Variants in CNTN3 observed in about 807,000 individuals in gnomAD.
The protein encoded by CNTN3 is contactin-3.
In CNTN3, 60 loss-of-function variants were observed where a neutral mutation model predicts 119.1. The observed-to-expected ratio is 0.50, with a 90% CI of 0.41 to 0.62. The LOEUF (loss-of-function observed/expected upper bound fraction) is 0.62. CNTN3 is among the 20% of genes least tolerant of loss of function. CNTN3 has a pLI of 0.00. For synonymous variants in CNTN3, 450 were observed against 438.7 expected, an observed-to-expected ratio of 1.03 and a Z score of -0.32; for missense variants, 1,101 against 1,242.4, an observed-to-expected ratio of 0.89 and a Z score of 1.71.
intron 1 of CNTN3, 22 bp from the exon 2 acceptor site, chr3:74,521,214 A>C (rs1170967190): frequency 6.4e-6 from 3 of 470,094 alleles, no homozygotes; most frequent in African/African-American, 2.2e-5. Context: ...ATGTACAAAG[A>C]AGTTCGTTAA....
At chr3:74,291,521 T>A (rs1183430229) in intron 19 of CNTN3, among the ~76,000 whole-genome samples, 1 of 152,064 alleles carries the variant, frequency 6.6e-6, no homozygotes, top group Non-Finnish European at 1.5e-5. Flanking sequence ...CCACCAACAG[T>A]GTAAAAGTGT....
chr3:74,378,854 G>T (rs143863426), intron 5 of CNTN3, among the ~76,000 whole-genome samples: 1 of 151,926 alleles, frequency 6.6e-6, no homozygotes, highest in African/African-American at 2.4e-5. Context: ...TCTTGCTTTT[G>T]TAGGGCTACC....
intron 4 of CNTN3, among the ~76,000 whole-genome samples, chr3:74,439,428 G>A (rs1327477486): frequency 6.6e-6 from 1 of 152,012 alleles, no homozygotes; most frequent in Non-Finnish European, 1.5e-5. Flanking sequence ...AGTCTCTTGA[G>A]CCTGGAAGGC....
chr3:74,289,539 T>G (rs906305438), intron 19 of CNTN3, among the ~76,000 whole-genome samples: 2 of 152,168 alleles, frequency 1.3e-5, no homozygotes, highest in Non-Finnish European at 2.9e-5. Flanking sequence ...ATATATTACT[T>G]CACTGGTTTG....
chr3:74,440,808 C>T (rs1302097760), intron 4 of CNTN3, among the ~76,000 whole-genome samples: 3 of 152,222 alleles, frequency 2.0e-5, no homozygotes, highest in African/African-American at 7.2e-5. Flanking sequence ...TGTCTTTAAA[C>T]AATACAGCAT....
At chr3:74,425,604 C>T (rs1701683674) in intron 4 of CNTN3, among the ~76,000 whole-genome samples, 1 of 151,964 alleles carries the variant, frequency 6.6e-6, no homozygotes, top group Admixed American at 6.6e-5. Context: ...ATGAAATATC[C>T]TAAATCAAAA....
intron 1 of CNTN3, among the ~76,000 whole-genome samples, chr3:74,528,360 G>C (rs1222945280): frequency 1.3e-5 from 2 of 151,774 alleles, no homozygotes; most frequent in Admixed American, 1.3e-4. Context: ...GCAATACCAG[G>C]AAGGAAACTA....
chr3:74,447,883 A>G (rs1702077496), intron 4 of CNTN3, among the ~76,000 whole-genome samples: 1 of 152,124 alleles, frequency 6.6e-6, no homozygotes, highest in South Asian at 2.1e-4. Context: ...GATAAAAACA[A>G]TCTTAATAGG....
chr3:74,413,840 T>A (rs1575701867), intron 5 of CNTN3, among the ~76,000 whole-genome samples: 1 of 152,136 alleles, frequency 6.6e-6, no homozygotes, highest in East Asian at 1.9e-4. Context: ...AAGCCGAATC[T>A]CAAAAGGAAG....
Position 74,371,270 on chromosome 3 carries a change from G to A in CNTN3, c.584C>T (p.Thr195Ile). Reference protein sequence around the residue: ...KVEPSDVGNYTCVVTSMVTNA... With the variant: ...KVEPSDVGNYICVVTSMVTNA... The stretch of plus-strand genomic sequence containing the variant: ...TGTCACCATACTTGTCACCACACAT[G>A]TGTAATTTCCCACATCAGACGGCTC... Residue 195 changes from threonine (T) to isoleucine (I), a missense_variant, in exon 6 of 23, where the codon ACA becomes ATA. Thr to Ile is a moderately conservative substitution (Grantham distance 89, BLOSUM62 -1). Coordinates refer to ENST00000263665, the MANE Select transcript of CNTN3 (RefSeq NM_020872.3). 6.2e-7 allele frequency: 1 copy of A among 1,613,506 alleles called. No homozygotes were observed. Among genetic ancestry groups the A allele is most frequent in the Non-Finnish European group, 8.5e-7 (1 of 1,179,678 alleles).
chr3:74,337,510 G>A (rs1703426512), intron 11 of CNTN3, among the ~76,000 whole-genome samples: 2 of 152,056 alleles, frequency 1.3e-5, no homozygotes, highest in Admixed American at 6.6e-5. Context: ...TGGCTGGGGA[G>A]GCCTCACAAT....
chr3:74,317,054 CTCT>C (rs1320023014), intron 13 of CNTN3, among the ~76,000 whole-genome samples: 1 of 151,330 alleles, frequency 6.6e-6, no homozygotes, highest in Admixed American at 6.6e-5. Context: ...GGATAGTTAG[CTCT>C]TCTTGTTGAA....
intron 4 of CNTN3, among the ~76,000 whole-genome samples, chr3:74,478,120 T>C (rs939075516): frequency 6.6e-6 from 1 of 152,150 alleles, no homozygotes; most frequent in African/African-American, 2.4e-5. Context: ...ATGTAAATGT[T>C]AGAAAACAGG....
At chr3:74,318,192 C>T (rs1466469683) in intron 13 of CNTN3, among the ~76,000 whole-genome samples, 3 of 152,202 alleles carry the variant, frequency 2.0e-5, no homozygotes, top group African/African-American at 7.2e-5. Context: ...GCTCCATCAG[C>T]TCCTTTAAGG....
At chr3:74,492,921 T>G (rs1447196978) in intron 3 of CNTN3, among the ~76,000 whole-genome samples, 15 of 152,106 alleles carry the variant, frequency 9.9e-5, no homozygotes, top group Non-Finnish European at 2.9e-5. Context: ...ATTTCTACCA[T>G]CAGGCATCAT....
At chr3:74,268,753 A>AT (rs1306517343) in intron 20 of CNTN3, among the ~76,000 whole-genome samples, 4 of 152,122 alleles carry the variant, frequency 2.6e-5, no homozygotes, top group Non-Finnish European at 4.4e-5. Flanking sequence ...TGAATGTACA[A>AT]TTTTTAGGAC....
intron 1 of CNTN3, among the ~76,000 whole-genome samples, chr3:74,550,728 GA>G (rs1703977783): frequency 6.6e-6 from 1 of 152,102 alleles, no homozygotes; most frequent in African/African-American, 2.4e-5. Flanking sequence ...TTTTTGTAGA[GA>G]TGGGGTCTTG....
intron 5 of CNTN3, among the ~76,000 whole-genome samples, chr3:74,416,649 T>A (rs115044244): frequency 0.015 from 2,213 of 152,032 alleles, 53 homozygotes; most frequent in African/African-American, 0.05. Flanking sequence ...TAAAAAAAAA[T>A]TGAAGCCTAT....
intron 5 of CNTN3, among the ~76,000 whole-genome samples, chr3:74,402,871 C>A (rs754078919): frequency 1.3e-5 from 2 of 152,086 alleles, no homozygotes; most frequent in African/African-American, 4.8e-5. Flanking sequence ...TGCAAAGATT[C>A]GAGAGTGTAC....
Sources: gnomAD v4.1 joint callset for allele counts (sites outside exome capture counted in the v4.1 genomes callset) on GRCh38, gnomAD v4.1.1 for gene constraint, MANE v1.5 for transcripts, NCBI Gene and HGNC (gene_info 2026-07-23, HGNC 2026-07-21) for gene names.